The following DSCAM variants were observed in gnomAD, a reference collection of about 807,000 sequenced individuals.
DSCAM encodes cell adhesion molecule DSCAM.
In DSCAM, 47 loss-of-function variants were observed where a neutral mutation model predicts 217.7. The observed-to-expected ratio is 0.22, with a 90% CI of 0.17 to 0.28. The LOEUF (loss-of-function observed/expected upper bound fraction) is 0.28. Among genes scored for constraint, DSCAM ranks in the 10% least tolerant of loss-of-function variants. The probability of loss-of-function intolerance (pLI) is 1.00; values close to 1 mark genes in which losing one functional copy is unlikely to be tolerated. For synonymous variants in DSCAM, 1,056 were observed against 1,015.3 expected (o/e 1.04, Z -0.76); for missense variants, 2,080 against 2,618.3 (o/e 0.79, Z 4.49).
chr21:40,725,402 T>C (rs1283232745), intron 1 of DSCAM, among the ~76,000 whole-genome samples: 1 of 152,196 alleles, frequency 6.6e-6, no homozygotes, highest in African/African-American at 2.4e-5. Context: ...TACTCTTCTA[T>C]CTTCCCAGAG....
chr21:40,669,031 G>A (rs11910603), intron 3 of DSCAM, among the ~76,000 whole-genome samples: 4,184 of 152,220 alleles, frequency 0.027, 158 homozygotes, highest in African/African-American at 0.084. Context: ...CAGGGATTGC[G>A]TATTTCTCTT....
At chr21:40,106,238 G>A (rs1384500991) in intron 20 of DSCAM, among the ~76,000 whole-genome samples, 2 of 152,166 alleles carry the variant, frequency 1.3e-5, no homozygotes, top group African/African-American at 2.4e-5. Context: ...CCGCCCCCAT[G>A]ATTCAATTAC....
At chr21:40,634,767 G>A (rs539650831) in intron 3 of DSCAM, among the ~76,000 whole-genome samples, 3 of 152,262 alleles carry the variant, frequency 2.0e-5, no homozygotes, top group South Asian at 2.1e-4. Context: ...TGATTTTTCC[G>A]TTTTGGTAAT....
chr21:40,085,836 CAG>C lies in DSCAM; in HGVS notation c.3969-73_3969-72del, dbSNP rs1397362928. ...CAAATTAGCTGAGGTTGGGGAAAAA[CAG>C]AAAGACTCTGTGAAGCAAACCACAC... is the stretch of plus-strand genomic sequence containing the variant. On this transcript the variant is annotated intron_variant, in intron 22 of 32. Transcript: ENST00000400454. The C allele has an allele frequency of 4.5e-6, 6 of 1,322,756 alleles. No individual in the cohort carries two copies. The East Asian group carries it at 1.6e-4, about 34-fold the overall frequency. 81.9% of individuals were successfully genotyped at this position (1,322,756 alleles called of 1,614,324 possible).
intron 9 of DSCAM, among the ~76,000 whole-genome samples, chr21:40,296,831 CAAAAAA>C (rs58219836): frequency 1.9e-5 from 1 of 53,818 alleles, no homozygotes; most frequent in East Asian, 5.6e-4. Flanking sequence ...AACTCCATCT[CAAAAAA>C]AAAAAAAAAA....
At chr21:40,244,902 T>C (rs1210233558) in intron 11 of DSCAM, among the ~76,000 whole-genome samples, 1 of 152,092 alleles carries the variant, frequency 6.6e-6, no homozygotes, top group Non-Finnish European at 1.5e-5. Context: ...TACTGGCAAT[T>C]AGCTAATGAG....
intron 5 of DSCAM, among the ~76,000 whole-genome samples, chr21:40,349,468 A>C (rs542581396): frequency 1.3e-5 from 2 of 152,286 alleles, no homozygotes; most frequent in Non-Finnish European, 2.9e-5. Context: ...CAATGTAGAA[A>C]ACATTTACTG....
chr21:40,552,177 G>T (rs1279745447), intron 3 of DSCAM, among the ~76,000 whole-genome samples: 1 of 152,124 alleles, frequency 6.6e-6, no homozygotes, highest in Admixed American at 6.5e-5. Context: ...AGCCAGGCAT[G>T]GTGGCGTGTG....
chr21:40,262,639 C>T (rs2073468865), intron 11 of DSCAM, among the ~76,000 whole-genome samples: 1 of 152,322 alleles, frequency 6.6e-6, no homozygotes, highest in African/African-American at 2.4e-5. Flanking sequence ...CCAACACCCT[C>T]TTATGAAGGC....
At chr21:40,214,420 CTTG>C (rs1829523253) in intron 11 of DSCAM, among the ~76,000 whole-genome samples, 2 of 151,966 alleles carry the variant, frequency 1.3e-5, no homozygotes, top group Admixed American at 6.6e-5. Context: ...TTGGGTTTTT[CTTG>C]TTGTTTTGTT....
At chr21:40,721,191 T>C (rs2090897621) in intron 1 of DSCAM, among the ~76,000 whole-genome samples, 1 of 152,028 alleles carries the variant, frequency 6.6e-6, no homozygotes, top group Non-Finnish European at 1.5e-5. Flanking sequence ...GTAATTGAAC[T>C]GCACAACAAA....
intron 16 of DSCAM, among the ~76,000 whole-genome samples, chr21:40,153,082 C>T (rs1178739461): frequency 2.0e-5 from 3 of 152,220 alleles, no homozygotes; most frequent in Non-Finnish European, 2.9e-5. Flanking sequence ...CCTCATTTCC[C>T]TTATGTGACA....
intron 3 of DSCAM, among the ~76,000 whole-genome samples, chr21:40,391,183 T>C (rs965014527): frequency 1.3e-5 from 2 of 152,172 alleles, no homozygotes; most frequent in East Asian, 1.9e-4. Context: ...CAAAGACAGG[T>C]GAGAGCTATT....
chr21:40,500,187 C>G (rs988694965), intron 3 of DSCAM, among the ~76,000 whole-genome samples: 1 of 152,086 alleles, frequency 6.6e-6, no homozygotes, highest in Non-Finnish European at 1.5e-5. Flanking sequence ...TGATTTGCTT[C>G]TTTTTGCCTT....
chr21:40,347,903 C>T lies in DSCAM; in HGVS notation c.977G>A (p.Ser326Asn), dbSNP rs1569077159. Residue 326 changes from serine to asparagine, a missense_variant, in exon 6 of 33, where the codon AGC becomes AAC. By Grantham distance (46) the Ser-to-Asn change is conservative. Around this residue, in one of 5 missense-constraint regions of DSCAM, gnomAD observed 568 missense variants for 678.1 expected, o/e 0.84. Transcript: ENST00000400454. ...ATISPRKVKS[S>N]VGSQVSLSCS... ...GGACAAGGAAACTTGGCTACCCACG[C>T]TGCTTTTAACCTTCCTGGGACTGAT... The T allele has an allele frequency of 6.2e-7, 1 of 1,613,982 alleles. No individual in the cohort carries two copies. Among genetic ancestry groups the T allele is most frequent in the Non-Finnish European group, 8.5e-7 (1 of 1,179,920 alleles).
At chr21:40,574,143 C>T (rs528866619) in intron 3 of DSCAM, among the ~76,000 whole-genome samples, 11 of 151,832 alleles carry the variant, frequency 7.2e-5, no homozygotes, top group Admixed American at 4.6e-4. Flanking sequence ...TGAGACTGCA[C>T]GACCCAGATA....
chr21:40,573,504 A>G (rs1033536548), intron 3 of DSCAM, among the ~76,000 whole-genome samples: 10 of 151,772 alleles, frequency 6.6e-5, no homozygotes, highest in African/African-American at 2.4e-4. Flanking sequence ...AACACAACAT[A>G]TCAAAATGTG....
At chr21:40,181,268 G>A (rs2146807283) in intron 14 of DSCAM, among the ~76,000 whole-genome samples, 1 of 152,220 alleles carries the variant, frequency 6.6e-6, no homozygotes, top group East Asian at 1.9e-4. Flanking sequence ...AGGTCAATGT[G>A]CTGGGCATTT....
At chr21:40,096,321 C>T (rs1458803115) in intron 20 of DSCAM, among the ~76,000 whole-genome samples, 1 of 152,090 alleles carries the variant, frequency 6.6e-6, no homozygotes, top group Non-Finnish European at 1.5e-5. Context: ...TCATGTCTCG[C>T]TAAAATGCAT....
Sources: gnomAD v4.1 joint callset for allele counts (sites outside exome capture counted in the v4.1 genomes callset) on GRCh38, gnomAD v4.1.1 for gene constraint, gnomAD v4.1.1 regional missense constraint, MANE v1.5 for transcripts, NCBI Gene and HGNC (gene_info 2026-07-23, HGNC 2026-07-21) for gene names.